The following RGMA variants were observed in gnomAD, a reference collection of about 807,000 sequenced individuals.
RGMA encodes repulsive guidance molecule BMP co-receptor a.
RGMA carries 10 observed loss-of-function variants against 23.2 expected under a neutral mutation model. The observed-to-expected ratio is 0.43, with a 90% confidence interval of 0.27 to 0.73. The LOEUF (loss-of-function observed/expected upper bound fraction) is 0.73. Ranked by LOEUF, RGMA falls within the 30% of genes least tolerant of loss-of-function variation. The probability of loss-of-function intolerance (pLI) is 0.20; values close to 1 mark genes in which losing one functional copy is unlikely to be tolerated. For missense variants in RGMA, 547 were observed against 630.5 expected, an observed-to-expected ratio of 0.87 and a Z score of 1.42; for synonymous variants, 308 against 279.3, an observed-to-expected ratio of 1.10 and a Z score of -1.03.
chr15:93,079,805 G>A (rs1895528836), intron 1 of RGMA, among the ~76,000 whole-genome samples: 1 of 152,092 alleles, frequency 6.6e-6, no homozygotes, highest in South Asian at 2.1e-4. Context: ...GGGCAACGGA[G>A]AGACTCTGTC....
intron 1 of RGMA, chr15:93,073,996 C>A: frequency 7.2e-7 from 1 of 1,396,558 alleles, no homozygotes; most frequent in Non-Finnish European, 9.2e-7. Context: ...GGTGACCTTT[C>A]CTAACTCTGT....
At chr15:93,054,844 G>A (rs539570201) in intron 2 of RGMA, among the ~76,000 whole-genome samples, 10 of 152,318 alleles carry the variant, frequency 6.6e-5, no homozygotes, top group African/African-American at 2.2e-4. Flanking sequence ...TTGCCCTGCT[G>A]TCTTCACGTC....
At position 93,072,969 on chromosome 15, in the gene RGMA, G is replaced by A. The variant is rs1278208575; in HGVS notation, c.77C>T (p.Ser26Leu). The A allele has an allele frequency of 3.1e-6, 5 of 1,611,614 alleles. No homozygotes were observed. In the East Asian group the frequency reaches 8.9e-5, roughly 29 times the overall value. The change falls in exon 2 of 4, where the codon TCA becomes TTA. Residue 26 changes from serine (S) to leucine (L), a missense_variant. Coordinates refer to ENST00000329082, the MANE Select transcript of RGMA (RefSeq NM_020211.3). Reference sequence around the variant, plus strand: ...GAGGGTCGGCCAGAATCCCAGGGCTGAACGTCCTGCCCCTCTCCCCATACC... The same window carrying A: ...GAGGGTCGGCCAGAATCCCAGGGCTAAACGTCCTGCCCCTCTCCCCATACC... ...WMGMGRGAGR[S>L]ALGFWPTLAF...
At chr15:93,051,128 C>A (rs1227332640) in intron 3 of RGMA, among the ~76,000 whole-genome samples, 1 of 152,196 alleles carries the variant, frequency 6.6e-6, no homozygotes, top group East Asian at 1.9e-4. Context: ...AGAAAGTGAC[C>A]CCCTGCAGGC....
chr15:93,045,716 A>C lies in RGMA; in HGVS notation c.646-11T>G. The C allele has an allele frequency of 6.3e-7, 1 of 1,594,554 alleles. No homozygotes were observed. The highest frequency in any genetic ancestry group is 2.2e-5 in the East Asian group (1 of 44,822). On this transcript the variant is annotated splice_polypyrimidine_tract_variant and intron_variant, in intron 3 of 3. Transcript: ENST00000329082. The surrounding 1 kb of genome is among the most constrained non-coding windows in gnomAD (Gnocchi z 6.9). The stretch of plus-strand genomic sequence containing the variant: ...GAAGATGATGGTGAGCTGCCGGGGA[A>C]AGGGGCAGAGGAGAGTGGGTGAGGC...
intron 2 of RGMA, among the ~76,000 whole-genome samples, chr15:93,070,098 A>G (rs1895276222): frequency 6.6e-6 from 1 of 152,146 alleles, no homozygotes; most frequent in African/African-American, 2.4e-5. Flanking sequence ...GCCCTTTCTC[A>G]TCACCAGGCT....
chr15:93,056,264 T>TG, intron 2 of RGMA, among the ~76,000 whole-genome samples: 1 of 152,234 alleles, frequency 6.6e-6, no homozygotes, highest in South Asian at 2.1e-4. Flanking sequence ...TTCCCCAGGA[T>TG]GGGGAGGGGG....
At chr15:93,079,674 G>T (rs2141846832) in intron 1 of RGMA, among the ~76,000 whole-genome samples, 1 of 152,264 alleles carries the variant, frequency 6.6e-6, no homozygotes, top group South Asian at 2.1e-4. Flanking sequence ...ACAATAATTA[G>T]CCAGGCATGG....
At chr15:93,047,643 C>A (rs2054846036) in intron 3 of RGMA, among the ~76,000 whole-genome samples, 1 of 152,088 alleles carries the variant, frequency 6.6e-6, no homozygotes, top group Non-Finnish European at 1.5e-5. Flanking sequence ...GGGGATCCCA[C>A]CCCAACCTGG....
intron 1 of RGMA, among the ~76,000 whole-genome samples, chr15:93,079,302 G>A (rs1289804188): frequency 6.6e-6 from 1 of 152,190 alleles, no homozygotes; most frequent in East Asian, 1.9e-4. Context: ...CTTTGGGATG[G>A]AACTTTGTCA....
intron 3 of RGMA, 57 bp downstream of exon 3, chr15:93,051,936 A>G: frequency 6.6e-7 from 1 of 1,504,350 alleles, no homozygotes; most frequent in African/African-American, 1.4e-5. Context: ...CTCAGTGTCC[A>G]CGCAGGGCAG....
chr15:93,088,474 C>G (rs1314025528), intron 1 of RGMA: 4 of 987,936 alleles, frequency 4.0e-6, no homozygotes, highest in Non-Finnish European at 3.6e-6. Flanking sequence ...CCGACATCCC[C>G]GAGGGCAGGA....
intron 1 of RGMA, among the ~76,000 whole-genome samples, chr15:93,086,571 T>TG (rs558939456): frequency 7.2e-5 from 11 of 152,230 alleles, no homozygotes; most frequent in Non-Finnish European, 1.6e-4. Context: ...ATATCCCTTC[T>TG]GCTTTCTGGC....
chr15:93,051,939 C>A, intron 3 of RGMA, 54 bp downstream of exon 3: 1 of 1,513,172 alleles, frequency 6.6e-7, no homozygotes, highest in Non-Finnish European at 8.9e-7. Flanking sequence ...AGTGTCCACG[C>A]AGGGCAGAGA....
intron 1 of RGMA, chr15:93,088,675 G>T: frequency 1.1e-6 from 1 of 878,652 alleles, no homozygotes; most frequent in Non-Finnish European, 1.6e-6. Flanking sequence ...CCAACCACGC[G>T]CGCTGGCGGC....
chr15:93,066,060 G>A, intron 2 of RGMA: 1 of 1,514,818 alleles, frequency 6.6e-7, no homozygotes, highest in South Asian at 1.1e-5. Flanking sequence ...TGGGTGGTGG[G>A]GCAACTGAGG....
At chr15:93,067,280 A>G (rs933949075) in intron 2 of RGMA, among the ~76,000 whole-genome samples, 20 of 149,144 alleles carry the variant, frequency 1.3e-4, no homozygotes, top group Admixed American at 1.1e-3. Context: ...GTATCTGGAA[A>G]AAAGAAAAAA....
chr15:93,052,542 C>G, intron 2 of RGMA, 35 bp from the exon 3 acceptor site: 1 of 1,519,360 alleles, frequency 6.6e-7, no homozygotes, highest in South Asian at 1.3e-5. Flanking sequence ...CGTCGGGGTG[C>G]AGCCTGGCAA....
At chr15:93,075,825 T>C (rs563860845) in intron 1 of RGMA, among the ~76,000 whole-genome samples, 101 of 152,100 alleles carry the variant, frequency 6.6e-4, no homozygotes, top group African/African-American at 8.7e-4. Context: ...AGGCTTTTTT[T>C]CCCCCCCTTT....
Sources: allele counts gnomAD v4.1 joint callset (sites outside exome capture counted in the v4.1 genomes callset), GRCh38; gene constraint gnomAD v4.1.1; non-coding constraint Gnocchi (gnomAD v3.1); transcripts MANE v1.5; gene names NCBI Gene and HGNC (gene_info 2026-07-23, HGNC 2026-07-21).